ENTREP2: variants seen among roughly 807,000 people sequenced by gnomAD.
The protein encoded by ENTREP2 is protein ENTREP2.
the ENTREP2 span, among the ~76,000 whole-genome samples, chr15:29,516,196 G>A: frequency 5.2e-4 from 79 of 152,226 alleles, no homozygotes; most frequent in African/African-American, 1.9e-3. Context: ...GTCTCCAGGG[G>A]TTCTAACATG....
At chr15:29,250,066 C>T in the ENTREP2 span, among the ~76,000 whole-genome samples, 2 of 152,104 alleles carry the variant, frequency 1.3e-5, no homozygotes, top group East Asian at 1.9e-4. Context: ...CCACCTCCAA[C>T]GCTCGGGATT....
the ENTREP2 span, among the ~76,000 whole-genome samples, chr15:29,385,926 G>C: frequency 6.6e-6 from 1 of 152,238 alleles, no homozygotes; most frequent in East Asian, 1.9e-4. Flanking sequence ...CACACCAACA[G>C]ACACCAGCAG....
the ENTREP2 span, among the ~76,000 whole-genome samples, chr15:29,247,746 A>C: frequency 2.0e-5 from 3 of 151,826 alleles, no homozygotes; most frequent in South Asian, 6.3e-4. Flanking sequence ...TGTAAAAAAA[A>C]AGTAGCCCAT....
the ENTREP2 span, among the ~76,000 whole-genome samples, chr15:29,303,228 C>A: frequency 6.6e-6 from 1 of 152,222 alleles, no homozygotes; most frequent in East Asian, 1.9e-4. Flanking sequence ...CAGGAAGAGT[C>A]TATTTTCATG....
the ENTREP2 span, among the ~76,000 whole-genome samples, chr15:29,321,336 C>T: frequency 6.6e-6 from 1 of 151,972 alleles, no homozygotes; most frequent in Non-Finnish European, 1.5e-5. Flanking sequence ...ACATGTATAT[C>T]CAGCAAAATT....
chr15:29,345,127 G>C, the ENTREP2 span, among the ~76,000 whole-genome samples: 1 of 152,140 alleles, frequency 6.6e-6, no homozygotes, highest in African/African-American at 2.4e-5. Context: ...GGCTACAAGT[G>C]CCCGTACCGT....
the ENTREP2 span, among the ~76,000 whole-genome samples, chr15:29,126,048 T>A: frequency 5.3e-5 from 8 of 152,090 alleles, no homozygotes; most frequent in East Asian, 1.6e-3. Flanking sequence ...CTTGAATCCT[T>A]CCTCCCCTGC....
chr15:29,348,625 G>A, the ENTREP2 span, among the ~76,000 whole-genome samples: 1 of 152,176 alleles, frequency 6.6e-6, no homozygotes, highest in African/African-American at 2.4e-5. Flanking sequence ...TGAAAGGTTC[G>A]CAAAAGTAGC....
At chr15:29,406,318 G>A in the ENTREP2 span, among the ~76,000 whole-genome samples, 4 of 152,156 alleles carry the variant, frequency 2.6e-5, no homozygotes, top group Admixed American at 6.5e-5. Context: ...AGGCCAAGGC[G>A]GGTGGATCAC....
chr15:29,234,873 T>C, the ENTREP2 span: 1 of 1,469,142 alleles, frequency 6.8e-7, no homozygotes. Context: ...CCCGAACGAA[T>C]TGTTGTCAAA....
chr15:29,530,838 G>A, the ENTREP2 span, among the ~76,000 whole-genome samples: 1 of 152,326 alleles, frequency 6.6e-6, no homozygotes, highest in East Asian at 1.9e-4. Flanking sequence ...TCATGACAAA[G>A]GGCTGTGGAT....
At chr15:29,183,538 T>C in the ENTREP2 span, among the ~76,000 whole-genome samples, 10 of 152,170 alleles carry the variant, frequency 6.6e-5, no homozygotes, top group African/African-American at 2.4e-4. Context: ...CCAGTGTCCA[T>C]GAACAGGAGA....
chr15:29,535,040 G>A, the ENTREP2 span, among the ~76,000 whole-genome samples: 4 of 151,652 alleles, frequency 2.6e-5, no homozygotes, highest in South Asian at 4.2e-4. Context: ...GAGATCAGGA[G>A]TTTGAGACAG....
the ENTREP2 span, among the ~76,000 whole-genome samples, chr15:29,661,491 A>G: frequency 1.3e-5 from 2 of 151,942 alleles, no homozygotes; most frequent in Admixed American, 1.3e-4. Context: ...GAGCCACCAC[A>G]CCCGGCCGAG....
At chr15:29,444,154 CAGAAAGAAAG>C in the ENTREP2 span, among the ~76,000 whole-genome samples, 2 of 54,872 alleles carry the variant, frequency 3.6e-5, no homozygotes, top group Non-Finnish European at 8.9e-5. Flanking sequence ...GAAAGACAGA[CAGAAAGAAAG>C]ACAGACAAAG....
At chr15:29,334,789 C>G in the ENTREP2 span, among the ~76,000 whole-genome samples, 1 of 152,102 alleles carries the variant, frequency 6.6e-6, no homozygotes, top group Non-Finnish European at 1.5e-5. Flanking sequence ...CCTCTTGGAG[C>G]CTCTTAGAAT....
the ENTREP2 span, among the ~76,000 whole-genome samples, chr15:29,278,088 G>T: frequency 1.3e-5 from 2 of 152,120 alleles, no homozygotes; most frequent in Non-Finnish European, 1.5e-5. Flanking sequence ...GGGGAGCTGG[G>T]TTTACACAGG....
At chr15:29,432,900 G>C in the ENTREP2 span, among the ~76,000 whole-genome samples, 1 of 152,174 alleles carries the variant, frequency 6.6e-6, no homozygotes, top group Non-Finnish European at 1.5e-5. Flanking sequence ...TCACTCCTGG[G>C]CATCTACCCC....
chr15:29,196,512 G>A, the ENTREP2 span: 7 of 1,551,622 alleles, frequency 4.5e-6, no homozygotes, highest in African/African-American at 1.4e-5. Context: ...GCAGCCGGAC[G>A]ACTGGTGCTG....
Sources: gnomAD v4.1 joint callset for allele counts (sites outside exome capture counted in the v4.1 genomes callset) on GRCh38, gnomAD v4.1.1 for gene constraint, MANE v1.5 for transcripts, NCBI Gene and HGNC (gene_info 2026-07-23, HGNC 2026-07-21) for gene names.